Variants in EIF3B observed in about 807,000 individuals in gnomAD.
EIF3B encodes eukaryotic translation initiation factor 3 subunit B.
EIF3B carries 10 observed loss-of-function variants against 104.6 expected under a neutral mutation model. The observed-to-expected ratio is 0.10, with a 90% confidence interval of 0.06 to 0.16. The LOEUF is 0.16. EIF3B is among the 10% of genes least tolerant of loss of function. The pLI is 1.00. For missense variants in EIF3B, 1,014 were observed against 1,087.9 expected, an observed-to-expected ratio of 0.93 and a Z score of 0.96; for synonymous variants, 542 against 417.2, an observed-to-expected ratio of 1.30 and a Z score of -3.65.
intron 2 of EIF3B, among the ~76,000 whole-genome samples, chr7:2,361,741 TGCC>T (rs1779740791): frequency 6.6e-6 from 1 of 152,074 alleles, no homozygotes; most frequent in African/African-American, 2.4e-5. Context: ...TTTCTAATCT[TGCC>T]TGTAATACAC....
chr7:2,369,559 G>A lies in EIF3B; in HGVS notation c.1491G>A (p.Gln497=). Residue 497 remains glutamine (Q), a synonymous_variant, in exon 10 of 19, where the codon CAG becomes CAA. Coordinates refer to ENST00000360876, the MANE Select transcript of EIF3B (RefSeq NM_001037283.2). ...KDIPARVTLM[Q]LPTRQEIRVR... is the part of the protein sequence containing the mutation. ...TTCCAGCCAGGGTAACCCTGATGCAGCTCCCTACCAGGCAAGAGATCCGAG... is the reference window on the plus strand; with the variant it reads ...TTCCAGCCAGGGTAACCCTGATGCAACTCCCTACCAGGCAAGAGATCCGAG... 2 of 1,614,120 alleles carry A rather than the reference G, an allele frequency of 1.2e-6. No homozygotes were observed. The highest frequency in any genetic ancestry group is 1.7e-6 in the Non-Finnish European group (2 of 1,180,028).
chr7:2,372,076 G>A, intron 11 of EIF3B: 1 of 504,258 alleles, frequency 2.0e-6, no homozygotes, highest in Non-Finnish European at 3.6e-6. Context: ...GTGTGGTGGT[G>A]CGCACCGATA....
chr7:2,380,543 G>T lies in EIF3B; in HGVS notation c.*354G>T, dbSNP rs993944887. ...CGCCACTGGCGGCACCTTCTCCTGC[G>T]CCCAGTGATGTTTCCACGGTGCCTG... On this transcript the variant is annotated 3_prime_UTR_variant, in exon 19 of 19. Coordinates refer to ENST00000360876, the MANE Select transcript of EIF3B (RefSeq NM_001037283.2). 5.0e-6 allele frequency: 2 copies of T among 399,624 alleles called. No individual in the cohort carries two copies. The highest frequency in any genetic ancestry group is 2.1e-5 in the African/African-American group (1 of 48,522). The allele number at this position is 399,624 out of a possible 1,614,324, so 24.8% of individuals were successfully genotyped here. A position where few individuals can be genotyped will look rare whatever the true frequency, so the allele number is the denominator to read the frequency against.
At chr7:2,357,042 G>C (rs1779485033) in intron 1 of EIF3B, among the ~76,000 whole-genome samples, 2 of 152,040 alleles carry the variant, frequency 1.3e-5, no homozygotes, top group Admixed American at 1.3e-4. Flanking sequence ...TCAGAACAGT[G>C]TTCTTTCTAA....
At chr7:2,372,637 G>A (rs929029232) in intron 11 of EIF3B, 36 bp from the exon 12 acceptor site, 4 of 1,607,030 alleles carry the variant, frequency 2.5e-6, no homozygotes, top group African/African-American at 1.3e-5. Context: ...GTTCTGAATT[G>A]ACCAAAAAGG....
chr7:2,360,869 A>T lies in EIF3B; in HGVS notation c.659A>T (p.Asp220Val). 6.2e-7 allele frequency: 1 copy of T among 1,613,588 alleles called. No individual in the cohort carries two copies. Among genetic ancestry groups the T allele is most frequent in the Non-Finnish European group, 8.5e-7 (1 of 1,179,590 alleles). ...TCCAAGTTTGGGAAAATCACAAATGATTTTTATCCTGAAGAGGATGGGAAG... is the reference window on the plus strand; with the variant it reads ...TCCAAGTTTGGGAAAATCACAAATGTTTTTTATCCTGAAGAGGATGGGAAG... ...IFSKFGKITN[D>V]FYPEEDGKTK... is the part of the protein sequence containing the mutation. Residue 220 changes from aspartate (D) to valine (V), a missense_variant, in exon 2 of 19, where the codon GAT becomes GTT. Transcript: ENST00000360876.
At chr7:2,361,672 G>A (rs1427430152) in intron 2 of EIF3B, among the ~76,000 whole-genome samples, 4 of 152,164 alleles carry the variant, frequency 2.6e-5, no homozygotes, top group Admixed American at 2.6e-4. Flanking sequence ...ACCCGCCTCG[G>A]CCTCCCAAAG....
chr7:2,378,231 G>A (rs558009386), intron 15 of EIF3B: 111 of 136,884 alleles, frequency 8.1e-4, no homozygotes, highest in African/African-American at 2.4e-3. Context: ...CCTGGGTGTC[G>A]AGGAAGGAGA....
intron 14 of EIF3B, 100 bp downstream of exon 14, chr7:2,375,627 C>T (rs575895415): frequency 3.6e-5 from 56 of 1,542,600 alleles, no homozygotes; most frequent in South Asian, 3.5e-4. Context: ...GGAAGGGGCA[C>T]CAAGCCTCTG....
At position 2,363,428 on chromosome 7, in the gene EIF3B, G is replaced by A. The variant is rs3778895; in HGVS notation, c.871-204G>A. On this transcript the variant is annotated intron_variant, in intron 4 of 18. Coordinates refer to ENST00000360876, the MANE Select transcript of EIF3B (RefSeq NM_001037283.2). Reference sequence around the variant, plus strand: ...GTTGAGGCTGCCGTGAGCTATGATTGTGCCACTGGACTCCAGCCTGGGCAA... The same window carrying A: ...GTTGAGGCTGCCGTGAGCTATGATTATGCCACTGGACTCCAGCCTGGGCAA... Among the ~76,000 whole-genome samples, 33,572 of 151,758 alleles carry A rather than the reference G, an allele frequency of 0.22. 4,069 individuals carry two copies. Among genetic ancestry groups the A allele is most frequent in the South Asian group, 0.39 (1,853 of 4,800 alleles).
At chr7:2,357,006 C>G (rs1032153081) in intron 1 of EIF3B, among the ~76,000 whole-genome samples, 1 of 152,144 alleles carries the variant, frequency 6.6e-6, no homozygotes, top group African/African-American at 2.4e-5. Flanking sequence ...TGGGTCTATA[C>G]TGCTTGGCCC....
At chr7:2,357,180 C>A (rs550379847) in intron 1 of EIF3B, among the ~76,000 whole-genome samples, 1 of 152,182 alleles carries the variant, frequency 6.6e-6, no homozygotes, top group African/African-American at 2.4e-5. Flanking sequence ...ATTTCTAATA[C>A]GTAGATTACT....
At chr7:2,364,224 T>A in intron 5 of EIF3B, 148 bp from the exon 6 acceptor site, 1 of 696,612 alleles carries the variant, frequency 1.4e-6, no homozygotes, top group Non-Finnish European at 2.4e-6. Context: ...ATTGCGCCAC[T>A]GCACTCCAGC....
rs1377573506 is a variant in EIF3B at position 2,376,761 on chromosome 7, C to T, written c.2029-189C>T. ...TCCAGCTGCTCCGTGCCCCGCACTC[C>T]GGGTCGGTTGCATAATGGAGGTGTC... is the stretch of plus-strand genomic sequence containing the variant. On this transcript the variant is annotated intron_variant, in intron 14 of 18. Transcript: ENST00000360876. 45 of 727,406 alleles carry T rather than the reference C, an allele frequency of 6.2e-5. No homozygotes were observed. The Admixed American group carries it at 8.1e-4, about 13-fold the overall frequency. 45.1% of individuals were successfully genotyped at this position (727,406 alleles called of 1,614,324 possible).
At position 2,355,143 on chromosome 7, in the gene EIF3B, A is replaced by G; in HGVS notation, c.222A>G (p.Ala74=). ...SEVRTEPAAE[A]EAASGPSESP... is the part of the protein sequence containing the mutation. ...TGAGGACCGAGCCGGCGGCCGAGGC[A>G]GAGGCGGCCTCCGGCCCGTCCGAGT... Residue 74 remains alanine (A), a synonymous_variant, in exon 1 of 19, where the codon GCA becomes GCG. Transcript: ENST00000360876. The G allele has an allele frequency of 2.8e-6, 4 of 1,421,082 alleles. No homozygotes were observed. Among genetic ancestry groups the G allele is most frequent in the South Asian group, 1.5e-5 (1 of 68,960 alleles). The allele number at this position is 1,421,082 out of a possible 1,614,324, so 88.0% of individuals were successfully genotyped here. A position where few individuals can be genotyped will look rare whatever the true frequency, so the allele number is the denominator to read the frequency against.
chr7:2,366,284 A>C, intron 6 of EIF3B, 33 bp from the exon 7 acceptor site: 2 of 1,550,386 alleles, frequency 1.3e-6, no homozygotes, highest in Non-Finnish European at 1.7e-6. Flanking sequence ...TCGTGAGAGG[A>C]GGATAGTGTA....
intron 5 of EIF3B, 180 bp from the exon 6 acceptor site, chr7:2,364,192 G>A (rs1270497372): frequency 5.2e-6 from 3 of 576,208 alleles, no homozygotes; most frequent in Admixed American, 6.7e-5. Flanking sequence ...AACCTGGGAG[G>A]TGGAGCTTGC....
rs757423281 is a variant in EIF3B at position 2,360,786 on chromosome 7, C to A, written c.576C>A (p.Val192=). The A allele has an allele frequency of 1.2e-6, 2 of 1,613,160 alleles. No homozygotes were observed. Among genetic ancestry groups the A allele is most frequent in the African/African-American group, 2.7e-5 (2 of 74,902 alleles). The change falls in exon 2 of 19, where the codon GTC becomes GTA. Residue 192 remains valine, a synonymous_variant. Transcript: ENST00000360876. ...GIDSVIVVDN[V]PQVGPDRLEK... ...ATTCGGTGATTGTAGTGGACAATGT[C>A]CCTCAGGTGGGACCCGACCGACTTG... is the stretch of plus-strand genomic sequence containing the variant.
chr7:2,360,749 C>T lies in EIF3B; in HGVS notation c.539C>T (p.Ala180Val). 6.3e-7 allele frequency: 1 copy of T among 1,598,190 alleles called. No individual in the cohort carries two copies. Among genetic ancestry groups the T allele is most frequent in the Non-Finnish European group, 8.6e-7 (1 of 1,166,844 alleles). ...GTACTCAAAGATCGGCCCCAGGAAG[C>T]AGATGGAATCGATTCGGTGATTGTA... is the stretch of plus-strand genomic sequence containing the variant. ...GDVLKDRPQE[A>V]DGIDSVIVVD... is the part of the protein sequence containing the mutation. Residue 180 changes from alanine to valine, a missense_variant, in exon 2 of 19, where the codon GCA (alanine) becomes GTA (valine). Physicochemically the swap from Ala to Val is moderately conservative, Grantham distance 64. Transcript: ENST00000360876.
Sources: allele counts gnomAD v4.1 joint callset (sites outside exome capture counted in the v4.1 genomes callset), GRCh38; gene constraint gnomAD v4.1.1; transcripts MANE v1.5; gene names NCBI Gene and HGNC (gene_info 2026-07-23, HGNC 2026-07-21).